The following FREM1 variants were observed in gnomAD, a reference collection of about 807,000 sequenced individuals.
FREM1 encodes the protein FRAS1 related extracellular matrix 1.
In FREM1, 220 loss-of-function variants were observed where a neutral mutation model predicts 210.1. The observed-to-expected ratio is 1.05, with a 90% CI of 0.94 to 1.17. The LOEUF (loss-of-function observed/expected upper bound fraction) is 1.17. Among genes scored for constraint, FREM1 ranks in the 50% most tolerant of loss-of-function variants. The pLI is 0.00. For missense variants in FREM1, 3,454 were observed against 2,675.5 expected (o/e 1.29, Z -6.42); for synonymous variants, 1,189 against 980.2 (o/e 1.21, Z -3.98).
intron 23 of FREM1, among the ~76,000 whole-genome samples, chr9:14,785,656 G>A (rs1016333900): frequency 6.6e-6 from 1 of 152,110 alleles, no homozygotes; most frequent in East Asian, 1.9e-4. Flanking sequence ...GAACCTTGGG[G>A]ACATTATGCT....
At chr9:14,796,535 T>G (rs572414882) in intron 21 of FREM1, among the ~76,000 whole-genome samples, 17 of 152,310 alleles carry the variant, frequency 1.1e-4, no homozygotes, top group Middle Eastern at 3.4e-3. Context: ...TGATATGGTT[T>G]GGCTGTGTCC....
At position 14,803,366 on chromosome 9, in the gene FREM1, A is replaced by C. The variant is rs1292250613; in HGVS notation, c.3472-1492T>G. On this transcript the variant is annotated intron_variant, in intron 19 of 36. Transcript: ENST00000380880. ...CTTCCTTCCTTTCTTCCTTCTTTCC[A>C]TCCTTCCTTCCTTCCTCATAGTCTT... 9.5e-5 allele frequency among the ~76,000 whole-genome samples: 10 copies of C among 105,670 alleles called. No individual in the cohort carries two copies. In the South Asian group the frequency reaches 1.0e-3, roughly 11 times the overall value. The allele number at this position is 105,670 out of a possible 152,430, so 69.3% of individuals were successfully genotyped here.
At chr9:14,807,052 G>T (rs898079955) in intron 17 of FREM1, among the ~76,000 whole-genome samples, 1 of 152,096 alleles carries the variant, frequency 6.6e-6, no homozygotes, top group African/African-American at 2.4e-5. Flanking sequence ...TTTGACCTAT[G>T]GAATTATATT....
At chr9:14,804,681 A>G (rs1246132043) in intron 19 of FREM1, among the ~76,000 whole-genome samples, 1 of 152,218 alleles carries the variant, frequency 6.6e-6, no homozygotes, top group Non-Finnish European at 1.5e-5. Context: ...CCTAGGCAAG[A>G]TACAAGACAA....
chr9:14,756,269 G>T, intron 29 of FREM1, 105 bp downstream of exon 29: 1 of 811,590 alleles, frequency 1.2e-6, no homozygotes, highest in Non-Finnish European at 2.0e-6. Context: ...GTTTCTAGTT[G>T]GCTAAAGTTG....
intron 16 of FREM1, among the ~76,000 whole-genome samples, chr9:14,810,312 T>C (rs930448626): frequency 1.3e-5 from 2 of 152,286 alleles, no homozygotes; most frequent in African/African-American, 4.8e-5. Flanking sequence ...ATAGGATATA[T>C]TTACAGAAAT....
intron 29 of FREM1, among the ~76,000 whole-genome samples, 152 bp downstream of exon 29, chr9:14,756,222 C>G (rs1844324739): frequency 6.6e-6 from 1 of 152,046 alleles, no homozygotes; most frequent in African/African-American, 2.4e-5. Context: ...ATCCAAACAC[C>G]TCTCTTTTAG....
At chr9:14,768,061 T>A (rs988935750) in intron 27 of FREM1, among the ~76,000 whole-genome samples, 5 of 152,176 alleles carry the variant, frequency 3.3e-5, no homozygotes, top group Non-Finnish European at 5.9e-5. Context: ...TTTAAAAATA[T>A]AAATCATCTT....
At chr9:14,779,174 C>T (rs150700343) in intron 24 of FREM1, among the ~76,000 whole-genome samples, 2 of 152,174 alleles carry the variant, frequency 1.3e-5, no homozygotes, top group African/African-American at 4.8e-5. Context: ...TCCCATTTTC[C>T]CCCTCCAGAA....
intron 1 of FREM1, among the ~76,000 whole-genome samples, chr9:14,873,976 T>C: frequency 6.6e-6 from 1 of 152,180 alleles, no homozygotes; most frequent in Admixed American, 6.5e-5. Flanking sequence ...AGTTGAGTGG[T>C]TTTGAGTGAG....
chr9:14,823,111 C>A, intron 13 of FREM1, 49 bp downstream of exon 13: 1 of 1,440,784 alleles, frequency 6.9e-7, no homozygotes. Flanking sequence ...CTTCAAGTCT[C>A]TCCTTTCTTT....
chr9:14,809,113 G>C (rs1416901922), intron 16 of FREM1, among the ~76,000 whole-genome samples: 2 of 152,170 alleles, frequency 1.3e-5, no homozygotes, highest in Admixed American at 6.5e-5. Flanking sequence ...TCTCATGATA[G>C]TGAATGAGTC....
chr9:14,795,456 G>GA (rs1404480368), intron 21 of FREM1, among the ~76,000 whole-genome samples: 2 of 152,142 alleles, frequency 1.3e-5, no homozygotes, highest in Non-Finnish European at 2.9e-5. Flanking sequence ...GATACTGGAG[G>GA]AAAAAATAAT....
chr9:14,801,847 C>A lies in FREM1; in HGVS notation c.3499G>T (p.Asp1167Tyr). Reference protein sequence around the residue: ...TVCEGQMKELDSSIISAVDLD... With the variant: ...TVCEGQMKELYSSIISAVDLD... ...TCCACAGCGCTGATGATGGAAGAGT[C>A]CAGCTCTTTCATCTGACCCTCACAC... Residue 1167 changes from aspartate (D) to tyrosine (Y), a missense_variant, in exon 20 of 37, where the codon GAC becomes TAC. Coordinates refer to ENST00000380880, the MANE Select transcript of FREM1 (RefSeq NM_001379081.2). 1.2e-6 allele frequency: 2 copies of A among 1,613,350 alleles called. No individual in the cohort carries two copies. The highest frequency in any genetic ancestry group is 1.7e-6 in the Non-Finnish European group (2 of 1,179,580).
At chr9:14,747,812 G>T in intron 31 of FREM1, 84 bp from the exon 32 acceptor site, 1 of 739,846 alleles carries the variant, frequency 1.4e-6, no homozygotes, top group Non-Finnish European at 2.2e-6. Flanking sequence ...GTAAGATCTT[G>T]CTAATGTCTG....
chr9:14,832,515 G>T (rs527352268), intron 10 of FREM1, among the ~76,000 whole-genome samples: 1 of 152,196 alleles, frequency 6.6e-6, no homozygotes, highest in African/African-American at 2.4e-5. Context: ...AGGAAGAGAG[G>T]CAATACCTCT....
At chr9:14,879,415 GA>G (rs1332153774) in intron 1 of FREM1, among the ~76,000 whole-genome samples, 1 of 151,802 alleles carries the variant, frequency 6.6e-6, no homozygotes, top group Non-Finnish European at 1.5e-5. Flanking sequence ...GTCAAACACC[GA>G]AAGAAGAAGT....
At chr9:14,882,598 G>A (rs1480667696) in intron 1 of FREM1, among the ~76,000 whole-genome samples, 1 of 150,852 alleles carries the variant, frequency 6.6e-6, no homozygotes, top group Non-Finnish European at 1.5e-5. Context: ...GGGATTACAG[G>A]TGCCCGCCAC....
chr9:14,860,707 A>ACATATATATGCACATATATATG (rs1564100529), intron 3 of FREM1, among the ~76,000 whole-genome samples: 2 of 80,012 alleles, frequency 2.5e-5, no homozygotes, highest in African/African-American at 5.1e-5. Context: ...ACATATATAC[A>ACATATATATGCACATATATATG]CACATATATA....
Sources: allele counts gnomAD v4.1 joint callset (sites outside exome capture counted in the v4.1 genomes callset), GRCh38; gene constraint gnomAD v4.1.1; transcripts MANE v1.5; gene names NCBI Gene and HGNC (gene_info 2026-07-23, HGNC 2026-07-21).